Variants in C1QTNF8 observed in about 807,000 individuals in gnomAD.
C1QTNF8 encodes the protein C1q and TNF related 8, also known as complement C1q tumor necrosis factor-related protein 8.
In C1QTNF8, 27 loss-of-function variants were observed where a neutral mutation model predicts 19.2. That is an observed-to-expected ratio of 1.41 (90% CI 1.04 to 1.94). C1QTNF8 has a LOEUF of 1.94. Among genes scored for constraint, C1QTNF8 ranks in the 30% most tolerant of loss-of-function variants. The probability of loss-of-function intolerance (pLI) is 0.00; values close to 1 mark genes in which losing one functional copy is unlikely to be tolerated. For missense variants in C1QTNF8, 484 were observed against 374.4 expected (o/e 1.29, Z -2.42); for synonymous variants, 208 against 172.8 (o/e 1.20, Z -1.60).
chr16:1,093,622 G>T lies in C1QTNF8; in HGVS notation c.638C>A (p.Ala213Glu), dbSNP rs761492272. 5 of 1,607,140 alleles carry T rather than the reference G, an allele frequency of 3.1e-6. 1 individual carries two copies. In the South Asian group the frequency reaches 3.3e-5, roughly 11 times the overall value. ...QAQSLMLLLA[A>E]GDAVWVRMFQ... is the part of the protein sequence containing the mutation. ...CATGCGCACCCAGACGGCGTCGCCC[G>T]CCGCCAGCAGCAGCATCAGGCTCTG... Residue 213 changes from alanine to glutamate, a missense_variant, in exon 4 of 5, where the codon GCG becomes GAG. Ala to Glu is a moderately radical substitution (Grantham distance 107). Coordinates refer to ENST00000328449, the MANE Select transcript of C1QTNF8 (RefSeq NM_207419.3).
chr16:1,093,468 G>C (rs1288465332), intron 4 of C1QTNF8, 29 bp downstream of exon 4: 4 of 1,344,536 alleles, frequency 3.0e-6, no homozygotes, highest in Non-Finnish European at 3.9e-6. Context: ...GCGCGCGCGC[G>C]CCCGGTGCTC....
chr16:1,096,126 T>A (rs12719787), intron 1 of C1QTNF8, 30 bp downstream of exon 1: 1 of 151,496 alleles, frequency 6.6e-6, no homozygotes, highest in Admixed American at 6.5e-5. Flanking sequence ...GCCCTGTGCT[T>A]CCTGTTACCG....
chr16:1,094,153 G>T, intron 3 of C1QTNF8, 102 bp from the exon 4 acceptor site: 1 of 953,388 alleles, frequency 1.0e-6, no homozygotes, highest in Non-Finnish European at 1.4e-6. Flanking sequence ...TCACTGTAAG[G>T]ACACACTCTT....
chr16:1,093,969 G>A lies in C1QTNF8; in HGVS notation c.291C>T (p.Gly97=). The change falls in exon 4 of 5, where the codon GGC becomes GGT. Residue 97 remains glycine (G), a synonymous_variant. Coordinates refer to ENST00000328449, the MANE Select transcript of C1QTNF8 (RefSeq NM_207419.3). ...EGPPGARGLQ[G]RRGQKGQVGP... ...CCACCTGCCCCTTCTGGCCTCTGCG[G>A]CCCTGCAGGCCCCGGGCGCCTGGCG... 1 of 1,469,832 alleles carries A rather than the reference G, an allele frequency of 6.8e-7. No individual in the cohort carries two copies. The highest frequency in any genetic ancestry group is 8.9e-7 in the Non-Finnish European group (1 of 1,125,922). 91.0% of individuals were successfully genotyped at this position (1,469,832 alleles called of 1,614,324 possible).
rs1960491554 is a variant in C1QTNF8 at position 1,089,101 on chromosome 16, G to T, written c.*1498C>A. On this transcript the variant is annotated 3_prime_UTR_variant, in exon 5 of 5. Transcript: ENST00000328449. The stretch of plus-strand genomic sequence containing the variant: ...CCCAGGGCAGCCGGGCCAGGGCCAG[G>T]GCCAGGGAAAGGAACGGTTGTCTGG... 6.6e-6 allele frequency among the ~76,000 whole-genome samples: 1 copy of T among 152,168 alleles called. No individual in the cohort carries two copies. The highest frequency in any genetic ancestry group is 1.5e-5 in the Non-Finnish European group (1 of 68,010).
rs1015279733 is a variant in C1QTNF8 at position 1,088,405 on chromosome 16, C to CG, written c.*2193dup. ...GATTAAAGCCAGCACGGGCCGACCA[C>CG]GGGGGTGCCCGGTGCGGTTCTGATG... On this transcript the variant is annotated 3_prime_UTR_variant, in exon 5 of 5. Coordinates refer to ENST00000328449, the MANE Select transcript of C1QTNF8 (RefSeq NM_207419.3). Among the ~76,000 whole-genome samples, 1 of 152,162 alleles carries CG rather than the reference C, an allele frequency of 6.6e-6. No individual in the cohort carries two copies. The highest frequency in any genetic ancestry group is 1.5e-5 in the Non-Finnish European group (1 of 68,018).
chr16:1,094,908 G>A lies in C1QTNF8; in HGVS notation c.15C>T (p.Ala5=). 1 of 1,322,390 alleles carries A rather than the reference G, an allele frequency of 7.6e-7. No individual in the cohort carries two copies. Among genetic ancestry groups the A allele is most frequent in the Non-Finnish European group, 9.7e-7 (1 of 1,030,380 alleles). 81.9% of individuals were successfully genotyped at this position (1,322,390 alleles called of 1,614,324 possible). The part of the protein sequence containing the change: MAAP[A]LLLLALLLPV... ...GCAGCAGCAGTGCTAGGAGCAGCAGGGCGGGGGCTGCCATCTTGGCCAGGG... is the reference window on the plus strand; with the variant it reads ...GCAGCAGCAGTGCTAGGAGCAGCAGAGCGGGGGCTGCCATCTTGGCCAGGG... Residue 5 remains alanine (A), a synonymous_variant, in exon 3 of 5, where the codon GCC becomes GCT. Transcript: ENST00000328449.
In C1QTNF8 at chr16:1,089,144, C is replaced by A. The variant is rs1960492199; in HGVS notation, c.*1455G>T. Among the ~76,000 whole-genome samples, 1 of 152,176 alleles carries A rather than the reference C, an allele frequency of 6.6e-6. No homozygotes were observed. Among genetic ancestry groups the A allele is most frequent in the Non-Finnish European group, 1.5e-5 (1 of 68,006 alleles). ...TTGTCTGGGATTCTGGGGTGCTTCCCCAGCACAGAACAGGCAGCCTGCGAG... is the reference window on the plus strand; with the variant it reads ...TTGTCTGGGATTCTGGGGTGCTTCCACAGCACAGAACAGGCAGCCTGCGAG... On this transcript the variant is annotated 3_prime_UTR_variant, in exon 5 of 5. Transcript: ENST00000328449.
chr16:1,094,800 C>G lies in C1QTNF8; in HGVS notation c.123G>C (p.Arg41=). 6.5e-7 allele frequency: 1 copy of G among 1,530,680 alleles called. No homozygotes were observed. The highest frequency in any genetic ancestry group is 2.6e-5 in the East Asian group (1 of 38,902). The allele number at this position is 1,530,680 out of a possible 1,614,324, so 94.8% of individuals were successfully genotyped here. ...CCCTCCACAGGTCCCTGTCACTCAC[C>G]CGGGCATAGGGTCCAGGGGGCCAGG... ...RPAWPPGPYA[R]VSDRDLWRGD... The change falls in exon 3 of 5, where the codon CGG becomes CGC. Residue 41 remains arginine, a synonymous_variant. Coordinates refer to ENST00000328449, the MANE Select transcript of C1QTNF8 (RefSeq NM_207419.3).
chr16:1,094,550 T>A (rs1261367846), intron 3 of C1QTNF8, 165 bp downstream of exon 3: 1 of 509,184 alleles, frequency 2.0e-6, no homozygotes, highest in African/African-American at 2.0e-5. Context: ...TCTTCCTGCT[T>A]GCGGGGGGAG....
rs750092683 is a variant in C1QTNF8 at position 1,093,856 on chromosome 16, G to T, written c.404C>A (p.Ala135Glu). Residue 135 changes from alanine to glutamate, a missense_variant, in exon 4 of 5, where the codon GCG (alanine) becomes GAG (glutamate). Transcript: ENST00000328449. The part of the protein sequence containing the change: ...EGLHSSDHFQ[A>E]VPFDTELVNL... ...CACCAGCTCCGTGTCGAAGGGCACC[G>T]CCTGGAAGTGGTCGGAGCTGTGCAG... 1.2e-6 allele frequency: 2 copies of T among 1,603,458 alleles called. No homozygotes were observed. Among genetic ancestry groups the T allele is most frequent in the Non-Finnish European group, 1.7e-6 (2 of 1,178,544 alleles).
Position 1,093,931 on chromosome 16 carries a change from G to A in C1QTNF8, c.329C>T (p.Ala110Val), listed in dbSNP as rs758733428. The A allele has an allele frequency of 6.7e-7, 1 of 1,500,962 alleles. No individual in the cohort carries two copies. Among genetic ancestry groups the A allele is most frequent in the South Asian group, 1.3e-5 (1 of 77,980 alleles). The allele number at this position is 1,500,962 out of a possible 1,614,324, so 93.0% of individuals were successfully genotyped here. Residue 110 changes from alanine to valine, a missense_variant, in exon 4 of 5, where the codon GCC becomes GTC. Transcript: ENST00000328449. ...GQKGQVGPPGAACRRAYAAFS... is the reference protein window; with the variant it reads ...GQKGQVGPPGVACRRAYAAFS... Reference sequence around the variant, plus strand: ...GGCGGCGTAGGCACGTCGGCACGCGGCGCCCGGCGGCCCCACCTGCCCCTT... The same window carrying A: ...GGCGGCGTAGGCACGTCGGCACGCGACGCCCGGCGGCCCCACCTGCCCCTT...
At position 1,094,863 on chromosome 16, in the gene C1QTNF8, C is replaced by T. The variant is rs747728749; in HGVS notation, c.60G>A (p.Gly20=). 2 of 1,410,922 alleles carry T rather than the reference C, an allele frequency of 1.4e-6. No individual in the cohort carries two copies. Among genetic ancestry groups the T allele is most frequent in the Non-Finnish European group, 1.9e-6 (2 of 1,078,718 alleles). 87.4% of individuals were successfully genotyped at this position (1,410,922 alleles called of 1,614,324 possible). Reference sequence around the variant, plus strand: ...AGTGCACACAGGGCCTCCTGGGCAGCCCGGGCCAGGCCCCCACGGGCAGCA... The same window carrying T: ...AGTGCACACAGGGCCTCCTGGGCAGTCCGGGCCAGGCCCCCACGGGCAGCA... ...ALLLPVGAWP[G]LPRRPCVHCC... is the part of the protein sequence containing the mutation. Residue 20 remains glycine, a synonymous_variant, in exon 3 of 5, where the codon GGG becomes GGA. Transcript: ENST00000328449.
In C1QTNF8 at chr16:1,093,715, A is replaced by T; in HGVS notation, c.545T>A (p.Ile182Asn). 6.2e-7 allele frequency: 1 copy of T among 1,611,650 alleles called. No homozygotes were observed. The highest frequency in any genetic ancestry group is 8.5e-7 in the Non-Finnish European group (1 of 1,179,344). ...GGCCGCGGGCCGCCGGTTCAGCATGATGTGCAGGTAGGTCTCCTTGTAGTT... is the reference window on the plus strand; with the variant it reads ...GGCCGCGGGCCGCCGGTTCAGCATGTTGTGCAGGTAGGTCTCCTTGTAGTT... ...TWNYKETYLHIMLNRRPAAVL... is the reference protein window; with the variant it reads ...TWNYKETYLHNMLNRRPAAVL... The change falls in exon 4 of 5, where the codon ATC becomes AAC. Residue 182 changes from isoleucine (I) to asparagine (N), a missense_variant. Physicochemically the swap from Ile to Asn is moderately radical, Grantham distance 149 (BLOSUM62 -3). Transcript: ENST00000328449.
At chr16:1,091,832 A>C (rs1233708534) in intron 4 of C1QTNF8, among the ~76,000 whole-genome samples, 2 of 145,458 alleles carry the variant, frequency 1.4e-5, no homozygotes, top group Non-Finnish European at 3.0e-5. Context: ...CCACCACTAG[A>C]GCAGCCCCAC....
Position 1,093,644 on chromosome 16 carries a change from T to C in C1QTNF8, c.616A>G (p.Ser206Gly). 4 of 1,610,938 alleles carry C rather than the reference T, an allele frequency of 2.5e-6. No homozygotes were observed. The highest frequency in any genetic ancestry group is 3.4e-6 in the Non-Finnish European group (4 of 1,179,068). The part of the protein sequence containing the change: ...PSERSVMQAQ[S>G]LMLLLAAGDA... ...CCCGCCGCCAGCAGCAGCATCAGGC[T>C]CTGGGCCTGCATGACGCTGCGCTCG... The change falls in exon 4 of 5, where the codon AGC (serine) becomes GGC (glycine). Residue 206 changes from serine (S) to glycine (G), a missense_variant. Physicochemically the swap from Ser to Gly is moderately conservative, Grantham distance 56. Coordinates refer to ENST00000328449, the MANE Select transcript of C1QTNF8 (RefSeq NM_207419.3).
rs1270715234 is a variant in C1QTNF8 at position 1,088,662 on chromosome 16, T to C, written c.*1937A>G. ...TGGAAGGTTGGCGGGATGCAGGTCC[T>C]GCTGTCTGAGGCTCTCACAGGCATC... On this transcript the variant is annotated 3_prime_UTR_variant, in exon 5 of 5. Transcript: ENST00000328449. Among the ~76,000 whole-genome samples the C allele has an allele frequency of 1.3e-5, 2 of 152,144 alleles. No individual in the cohort carries two copies. The highest frequency in any genetic ancestry group is 4.8e-5 in the African/African-American group (2 of 41,404).
intron 3 of C1QTNF8, among the ~76,000 whole-genome samples, 158 bp from the exon 4 acceptor site, chr16:1,094,209 G>C (rs73494082): frequency 0.014 from 2,189 of 152,328 alleles, 53 homozygotes; most frequent in African/African-American, 0.049. Context: ...ACGTCTGTAA[G>C]ATGGGGAGAA....
At position 1,089,570 on chromosome 16, in the gene C1QTNF8, G is replaced by A. The variant is rs1304727843; in HGVS notation, c.*1029C>T. Among the ~76,000 whole-genome samples the A allele has an allele frequency of 6.6e-6, 1 of 152,252 alleles. No individual in the cohort carries two copies. Among genetic ancestry groups the A allele is most frequent in the Non-Finnish European group, 1.5e-5 (1 of 68,040 alleles). ...GCTGGCAGGGACACGGGCTCTGTGT[G>A]GGGTGGGCGGGACGTGGCTGCAGCC... is the stretch of plus-strand genomic sequence containing the variant. On this transcript the variant is annotated 3_prime_UTR_variant, in exon 5 of 5. Transcript: ENST00000328449.
Sources: allele counts gnomAD v4.1 joint callset (sites outside exome capture counted in the v4.1 genomes callset), GRCh38; gene constraint gnomAD v4.1.1; transcripts MANE v1.5; gene names NCBI Gene and HGNC (gene_info 2026-07-23, HGNC 2026-07-21).